The following CADM2 variants were observed in gnomAD, a reference collection of about 807,000 sequenced individuals.
CADM2 encodes cell adhesion molecule 2, also known as immunoglobulin superfamily member 4D.
In CADM2, 12 loss-of-function variants were observed where a neutral mutation model predicts 49.8. The ratio of observed to expected loss-of-function variants is 0.24; its 90% CI spans 0.15 to 0.39. CADM2 has a LOEUF of 0.39. Among genes scored for constraint, CADM2 ranks in the 10% least tolerant of loss-of-function variants. CADM2 has a pLI of 1.00. For synonymous variants in CADM2, 214 were observed against 175.4 expected, an observed-to-expected ratio of 1.22 and a Z score of -1.74; for missense variants, 378 against 492.3, an observed-to-expected ratio of 0.77 and a Z score of 2.20.
intron 1 of CADM2, among the ~76,000 whole-genome samples, chr3:85,671,010 A>AT (rs945814822): frequency 6.6e-6 from 1 of 152,086 alleles, no homozygotes; most frequent in East Asian, 1.9e-4. Context: ...ATTCAGTGAT[A>AT]TTTTTTTCCA....
intron 3 of CADM2, among the ~76,000 whole-genome samples, chr3:85,816,651 T>A (rs1198233777): frequency 6.6e-6 from 1 of 152,152 alleles, no homozygotes; most frequent in Non-Finnish European, 1.5e-5. Flanking sequence ...TGGCCATCCA[T>A]ACAAAATACT....
chr3:85,967,904 A>T (rs541652986), intron 8 of CADM2, among the ~76,000 whole-genome samples: 1 of 151,716 alleles, frequency 6.6e-6, no homozygotes, highest in East Asian at 2.0e-4. Flanking sequence ...TTAAAAAGGG[A>T]TTCAACTAAA....
chr3:85,432,264 G>A (rs533809893), intron 1 of CADM2, among the ~76,000 whole-genome samples: 4 of 151,804 alleles, frequency 2.6e-5, no homozygotes, highest in Non-Finnish European at 5.9e-5. Flanking sequence ...CGCAGCCATA[G>A]AAGTGGGATG....
At chr3:86,015,216 A>G (rs905654759) in intron 8 of CADM2, 11 of 302,574 alleles carry the variant, frequency 3.6e-5, no homozygotes, top group African/African-American at 1.3e-4. Flanking sequence ...GTCTTTGCCT[A>G]TAGAACTCCA....
At position 85,656,562 on chromosome 3, in the gene CADM2, G is replaced by T. The variant is rs191355645; in HGVS notation, c.62-69960G>T. 4.6e-5 allele frequency among the ~76,000 whole-genome samples: 7 copies of T among 152,226 alleles called. No individual in the cohort carries two copies. The East Asian group carries it at 1.4e-3, about 29-fold the overall frequency. ...ACCTGAGAGGCGGAGGTTGCAGTTA[G>T]CTGAGATTGCACCATTGCACTCCAG... On this transcript the variant is annotated intron_variant, in intron 1 of 9. Transcript: ENST00000383699.
intron 2 of CADM2, among the ~76,000 whole-genome samples, chr3:85,797,862 T>C (rs1164798327): frequency 6.6e-6 from 1 of 152,198 alleles, no homozygotes; most frequent in African/African-American, 2.4e-5. Flanking sequence ...TTGAGCTAAT[T>C]TCTACTCCCA....
chr3:85,127,232 A>G (rs1040421923), intron 1 of CADM2, among the ~76,000 whole-genome samples: 3 of 152,218 alleles, frequency 2.0e-5, no homozygotes, highest in African/African-American at 4.8e-5. Context: ...AAATATATTT[A>G]TATGTATTAA....
Position 85,559,104 on chromosome 3 carries a change from C to G in CADM2, c.62-167418C>G, listed in dbSNP as rs916728602. On this transcript the variant is annotated intron_variant, in intron 1 of 9. Coordinates refer to ENST00000383699, the MANE Select transcript of CADM2 (RefSeq NM_001167675.2). Reference sequence around the variant, plus strand: ...CTCTCAAGTGGCTTGAGGCTCTTTTCTAAGTATTTTTGTGTTTTACTCTCC... The same window carrying G: ...CTCTCAAGTGGCTTGAGGCTCTTTTGTAAGTATTTTTGTGTTTTACTCTCC... 7.2e-5 allele frequency among the ~76,000 whole-genome samples: 11 copies of G among 152,034 alleles called. No individual in the cohort carries two copies. The South Asian group carries it at 2.1e-3, about 29-fold the overall frequency.
intron 1 of CADM2, among the ~76,000 whole-genome samples, chr3:85,133,836 C>T (rs2039319173): frequency 6.6e-6 from 1 of 152,244 alleles, no homozygotes; most frequent in Non-Finnish European, 1.5e-5. Flanking sequence ...GTGGAGCTGC[C>T]TGCCAGTCCC....
Position 85,335,597 on chromosome 3 carries a change from C to T in CADM2, c.61+375929C>T, listed in dbSNP as rs776106622. ...GGACATTCAAAATCCTCCCTTCTAG[C>T]TATATTGAAATATACAATATGTTAT... On this transcript the variant is annotated intron_variant, in intron 1 of 9. Coordinates refer to ENST00000383699, the MANE Select transcript of CADM2 (RefSeq NM_001167675.2). 5.3e-5 allele frequency among the ~76,000 whole-genome samples: 8 copies of T among 151,244 alleles called. No individual in the cohort carries two copies. In the South Asian group the frequency reaches 1.7e-3, roughly 31 times the overall value.
chr3:85,703,608 C>T lies in CADM2; in HGVS notation c.62-22914C>T, dbSNP rs564881560. Among the ~76,000 whole-genome samples, 79 of 152,194 alleles carry T rather than the reference C, an allele frequency of 5.2e-4. 4 individuals carry two copies. The South Asian group carries it at 0.014, about 27-fold the overall frequency. ...AAGGTTCCAAATACTATGAAATTCTCAAATCTCAGTTTTTGAGATGTTTTA... is the reference window on the plus strand; with the variant it reads ...AAGGTTCCAAATACTATGAAATTCTTAAATCTCAGTTTTTGAGATGTTTTA... On this transcript the variant is annotated intron_variant, in intron 1 of 9. Coordinates refer to ENST00000383699, the MANE Select transcript of CADM2 (RefSeq NM_001167675.2).
chr3:85,886,374 T>TA (rs751636578), intron 5 of CADM2, 47 bp downstream of exon 5: 11 of 1,406,820 alleles, frequency 7.8e-6, no homozygotes, highest in Non-Finnish European at 1.1e-5. Context: ...CTGAAACCAG[T>TA]ATGACATGTT....
At chr3:85,858,561 T>C (rs1272852813) in intron 3 of CADM2, among the ~76,000 whole-genome samples, 1 of 152,240 alleles carries the variant, frequency 6.6e-6, no homozygotes, top group African/African-American at 2.4e-5. Context: ...TCACATATTT[T>C]ACTTGTATAC....
At chr3:85,722,019 C>T (rs534496280) in intron 1 of CADM2, among the ~76,000 whole-genome samples, 7 of 151,504 alleles carry the variant, frequency 4.6e-5, no homozygotes, top group African/African-American at 1.7e-4. Flanking sequence ...CAGGTTGTCA[C>T]ATAGAGTGTT....
chr3:85,628,676 C>CATAT (rs1262185236), intron 1 of CADM2, among the ~76,000 whole-genome samples: 1 of 145,706 alleles, frequency 6.9e-6, no homozygotes, highest in African/African-American at 2.5e-5. Context: ...TATATATACA[C>CATAT]ATATATATAT....
At chr3:86,051,215 G>T (rs1488699387) in intron 8 of CADM2, among the ~76,000 whole-genome samples, 1 of 147,116 alleles carries the variant, frequency 6.8e-6, no homozygotes, top group Non-Finnish European at 1.5e-5. Context: ...CAAGTTCAAA[G>T]TTCCATGGAT....
chr3:85,853,666 C>A (rs1477847426), intron 3 of CADM2, among the ~76,000 whole-genome samples: 3 of 149,206 alleles, frequency 2.0e-5, no homozygotes, highest in African/African-American at 7.5e-5. Context: ...CTAGAAACTT[C>A]CATGAGATGA....
chr3:85,718,019 C>G (rs1009834716), intron 1 of CADM2, among the ~76,000 whole-genome samples: 3 of 152,210 alleles, frequency 2.0e-5, no homozygotes, highest in Non-Finnish European at 4.4e-5. Context: ...ATCTGCCCAC[C>G]TTGGCCTCCC....
chr3:85,488,995 G>C (rs2039549657), intron 1 of CADM2, among the ~76,000 whole-genome samples: 1 of 151,936 alleles, frequency 6.6e-6, no homozygotes, highest in Non-Finnish European at 1.5e-5. Flanking sequence ...TCCATATACT[G>C]TGTATATTTA....
Sources: allele counts gnomAD v4.1 joint callset (sites outside exome capture counted in the v4.1 genomes callset), GRCh38; gene constraint gnomAD v4.1.1; transcripts MANE v1.5; gene names NCBI Gene and HGNC (gene_info 2026-07-23, HGNC 2026-07-21).